FUT8: variants seen among roughly 807,000 people sequenced by gnomAD.
FUT8 encodes fucosyltransferase 8.
Under a neutral mutation model 71.3 loss-of-function variants are expected in FUT8, and 29 were observed. The observed-to-expected ratio is 0.41, with a 90% CI of 0.30 to 0.55. The LOEUF (loss-of-function observed/expected upper bound fraction) is 0.55. Ranked by LOEUF, FUT8 falls within the 20% of genes least tolerant of loss-of-function variation. The pLI is 0.34. For synonymous variants in FUT8, 254 were observed against 239.3 expected (o/e 1.06, Z -0.57); for missense variants, 544 against 702.1 (o/e 0.77, Z 2.55).
chr14:65,462,976 T>C (rs111725165), intron 2 of FUT8, among the ~76,000 whole-genome samples: 23 of 152,342 alleles, frequency 1.5e-4, no homozygotes, highest in African/African-American at 5.5e-4. Flanking sequence ...TATGTAGCCC[T>C]TCCATCACAC....
chr14:65,438,770 C>G (rs1021156392), intron 1 of FUT8, among the ~76,000 whole-genome samples: 1 of 152,176 alleles, frequency 6.6e-6, no homozygotes, highest in Non-Finnish European at 1.5e-5. Flanking sequence ...GGTGCTGTTT[C>G]ATCTCTCCAC....
At chr14:65,410,447 C>T (rs1272520266), upstream of FUT8, 1 of 152,146 alleles carries the variant, frequency 6.6e-6, no homozygotes, top group Non-Finnish European at 1.5e-5. Context: ...ACAAAGCAGA[C>T]TTCAAAACCA....
At chr14:65,532,232 C>T (rs562945025) in intron 2 of FUT8, among the ~76,000 whole-genome samples, 172 of 152,312 alleles carry the variant, frequency 1.1e-3, no homozygotes, top group African/African-American at 3.8e-3. Flanking sequence ...ATTTTACACT[C>T]CCACCAACAG....
At chr14:65,511,853 A>C (rs1165573130) in intron 2 of FUT8, among the ~76,000 whole-genome samples, 1 of 152,202 alleles carries the variant, frequency 6.6e-6, no homozygotes, top group African/African-American at 2.4e-5. Flanking sequence ...CCATTCAGCT[A>C]TCCCGAGTCT....
intron 9 of FUT8, among the ~76,000 whole-genome samples, chr14:65,730,723 A>T (rs185181621): frequency 6.6e-6 from 1 of 152,342 alleles, no homozygotes; most frequent in Admixed American, 6.5e-5. Context: ...CATCCCAGTG[A>T]CTGTGGCAGC....
chr14:65,399,350 A>G, the FUT8 span, among the ~76,000 whole-genome samples: 15 of 152,196 alleles, frequency 9.9e-5, no homozygotes, highest in Non-Finnish European at 8.8e-5. Context: ...AGTATTGCAT[A>G]GGCTCAGACA....
At chr14:65,443,621 A>G (rs1166960073) in intron 1 of FUT8, among the ~76,000 whole-genome samples, 4 of 151,510 alleles carry the variant, frequency 2.6e-5, no homozygotes, top group Admixed American at 1.3e-4. Flanking sequence ...TTGGGAAACT[A>G]AAGCAAGAAG....
intron 2 of FUT8, among the ~76,000 whole-genome samples, chr14:65,533,562 A>G (rs1884095107): frequency 6.6e-6 from 1 of 152,056 alleles, no homozygotes; most frequent in Non-Finnish European, 1.5e-5. Flanking sequence ...GGGCTGAGAC[A>G]TTGGGGTTTT....
intron 2 of FUT8, among the ~76,000 whole-genome samples, chr14:65,543,885 A>C (rs555758053): frequency 6.6e-6 from 1 of 152,338 alleles, no homozygotes; most frequent in South Asian, 2.1e-4. Context: ...CCAGGAAGAA[A>C]GTTAGCTAGA....
chr14:65,550,346 A>G lies in FUT8; in HGVS notation c.-227-10991A>G, dbSNP rs1205756185. Among the ~76,000 whole-genome samples, 2 of 152,358 alleles carry G rather than the reference A, an allele frequency of 1.3e-5. No individual in the cohort carries two copies. The highest frequency in any genetic ancestry group is 1.9e-4 in the East Asian group (1 of 5,184). On this transcript the variant is annotated intron_variant, in intron 2 of 10. Coordinates refer to ENST00000673929, the MANE Select transcript of FUT8 (RefSeq NM_001371533.1). The surrounding 1 kb of genome is among the most constrained non-coding windows in gnomAD (Gnocchi z 4.5). The stretch of plus-strand genomic sequence containing the variant: ...TATGTTTAATACACCTAATCTGAAC[A>G]TCATAGCTTAGCCTACCTTAAATGT...
At chr14:65,519,655 G>A (rs1366485721) in intron 2 of FUT8, among the ~76,000 whole-genome samples, 2 of 152,038 alleles carry the variant, frequency 1.3e-5, no homozygotes, top group African/African-American at 2.4e-5. Context: ...TTGATGGTCC[G>A]TTGTCCTGTA....
chr14:65,724,164 C>T lies in FUT8; in HGVS notation c.1100C>T (p.Thr367Ile). Residue 367 changes from threonine (T) to isoleucine (I), a missense_variant, in exon 9 of 11, where the codon ACA becomes ATA. Thr to Ile is a moderately conservative substitution (Grantham distance 89). Transcript: ENST00000673929. ...HPVIGVHVRRTDKVGTEAAFH... is the reference protein window; with the variant it reads ...HPVIGVHVRRIDKVGTEAAFH... ...TCCCCCAGAGTCCATGTCAGACGCA[C>T]AGACAAAGTGGGAACAGAAGCTGCC... is the stretch of plus-strand genomic sequence containing the variant. 1 of 1,597,160 alleles carries T rather than the reference C, an allele frequency of 6.3e-7. No homozygotes were observed.
chr14:65,616,184 C>A, intron 4 of FUT8, 27 bp from the exon 5 acceptor site: 1 of 1,598,668 alleles, frequency 6.3e-7, no homozygotes, highest in Non-Finnish European at 8.5e-7. Context: ...GTTGGAAATG[C>A]TACAACTCTC....
chr14:65,577,742 T>G (rs1301936910), intron 3 of FUT8, among the ~76,000 whole-genome samples: 2 of 152,116 alleles, frequency 1.3e-5, no homozygotes, highest in Non-Finnish European at 2.9e-5. Flanking sequence ...GGATCTACAA[T>G]TGTAGGAAAA....
At chr14:65,694,814 A>G (rs1298388836) in intron 7 of FUT8, among the ~76,000 whole-genome samples, 4 of 146,052 alleles carry the variant, frequency 2.7e-5, no homozygotes, top group East Asian at 2.0e-4. Flanking sequence ...AACACCGCAT[A>G]TTCTCACTTA....
intron 2 of FUT8, among the ~76,000 whole-genome samples, chr14:65,484,630 T>A (rs910385802): frequency 2.0e-5 from 3 of 152,034 alleles, no homozygotes; most frequent in Admixed American, 6.6e-5. Context: ...GCCAAGATCA[T>A]GCCACTGCAC....
rs979843853 is a variant in FUT8, at chr14:65,457,882, T to G, written c.-228+2164T>G. The G allele has an allele frequency of 3.9e-5, 6 of 152,226 alleles. No individual in the cohort carries two copies. The East Asian group carries it at 7.7e-4, about 20-fold the overall frequency. 9.4% of individuals were successfully genotyped at this position (152,226 alleles called of 1,614,324 possible). ...CTTTGATTTCACTTCCTTGTTTTTT[T>G]TCTTAAAACAGGTACTGAGGCCGGG... On this transcript the variant is annotated intron_variant, in intron 2 of 10. Transcript: ENST00000673929.
chr14:65,390,391 A>G, the FUT8 span, among the ~76,000 whole-genome samples: 2 of 151,332 alleles, frequency 1.3e-5, no homozygotes, highest in African/African-American at 4.8e-5. Context: ...AATTGGTGAC[A>G]CTGGTGCTTC....
At chr14:65,490,377 A>G (rs2066465356) in intron 2 of FUT8, among the ~76,000 whole-genome samples, 1 of 152,054 alleles carries the variant, frequency 6.6e-6, no homozygotes, top group South Asian at 2.1e-4. Flanking sequence ...CTGTGTCTGT[A>G]TTGAATTTTA....
Sources: gnomAD v4.1 joint callset for allele counts (sites outside exome capture counted in the v4.1 genomes callset) on GRCh38, gnomAD v4.1.1 for gene constraint, Gnocchi (gnomAD v3.1) non-coding constraint, MANE v1.5 for transcripts, NCBI Gene and HGNC (gene_info 2026-07-23, HGNC 2026-07-21) for gene names.